The following MACROD2 variants were observed in gnomAD, a reference collection of about 807,000 sequenced individuals.
The protein encoded by MACROD2 is ADP-ribose glycohydrolase MACROD2.
In MACROD2, 36 loss-of-function variants were observed where a neutral mutation model predicts 70.4. The ratio of observed to expected loss-of-function variants is 0.51; its 90% CI spans 0.39 to 0.68. The LOEUF (loss-of-function observed/expected upper bound fraction) is 0.68. Among genes scored for constraint, MACROD2 ranks in the 30% least tolerant of loss-of-function variants. The pLI is 0.00. For synonymous variants in MACROD2, 172 were observed against 178.8 expected (o/e 0.96, Z 0.30); for missense variants, 496 against 538.4 (o/e 0.92, Z 0.78).
At chr20:14,310,093 AT>A (rs2082553515) in intron 3 of MACROD2, among the ~76,000 whole-genome samples, 1 of 152,142 alleles carries the variant, frequency 6.6e-6, no homozygotes, top group African/African-American at 2.4e-5. Context: ...GCTTGTGCTA[AT>A]TTTACTCAAA....
intron 6 of MACROD2, among the ~76,000 whole-genome samples, chr20:15,250,232 A>T (rs1031769903): frequency 6.6e-6 from 1 of 152,178 alleles, no homozygotes; most frequent in African/African-American, 2.4e-5. Context: ...TTCTGCTAGG[A>T]TGAGTCTCTG....
chr20:15,461,681 G>A (rs1312426686), intron 7 of MACROD2, among the ~76,000 whole-genome samples: 2 of 152,038 alleles, frequency 1.3e-5, no homozygotes, highest in African/African-American at 4.8e-5. Flanking sequence ...TAGTTGTTCT[G>A]CAAAACTTCT....
rs558548132 is a variant in MACROD2 at position 14,212,224 on chromosome 20, A to T, written c.271+126496A>T. 1.3e-4 allele frequency among the ~76,000 whole-genome samples: 20 copies of T among 152,290 alleles called. No individual in the cohort carries two copies. The South Asian group carries it at 4.2e-3, about 32-fold the overall frequency. On this transcript the variant is annotated intron_variant, in intron 3 of 17. Coordinates refer to ENST00000684519, the MANE Select transcript of MACROD2 (RefSeq NM_001351661.2). ...GTTCAGTTAAACACAGAGCATGTAA[A>T]TGGCCTACAGGTAACACCACCAACA...
At chr20:15,262,236 T>C (rs1041204230) in intron 6 of MACROD2, among the ~76,000 whole-genome samples, 2 of 152,048 alleles carry the variant, frequency 1.3e-5, no homozygotes, top group African/African-American at 2.4e-5. Flanking sequence ...ATCATTCTAC[T>C]CTATCTGCAT....
chr20:15,429,656 A>T (rs2046340817), intron 6 of MACROD2, among the ~76,000 whole-genome samples: 1 of 152,128 alleles, frequency 6.6e-6, no homozygotes, highest in Non-Finnish European at 1.5e-5. Flanking sequence ...TTTTATTATT[A>T]TTGACCTCAA....
chr20:15,333,319 C>T (rs2078013072), intron 6 of MACROD2, among the ~76,000 whole-genome samples: 1 of 151,578 alleles, frequency 6.6e-6, no homozygotes, highest in South Asian at 2.1e-4. Flanking sequence ...GGTCAGTAGC[C>T]TCTTTTCTGC....
rs188750412 is a variant in MACROD2, at chr20:14,447,193, T to C, written c.272-46286T>C. On this transcript the variant is annotated intron_variant, in intron 3 of 17. Coordinates refer to ENST00000684519, the MANE Select transcript of MACROD2 (RefSeq NM_001351661.2). Reference sequence around the variant, plus strand: ...ACCACCACACCCAGCTAATTTTTTGTATTTTTAGTAGAGATGGTATTTCAC... The same window carrying C: ...ACCACCACACCCAGCTAATTTTTTGCATTTTTAGTAGAGATGGTATTTCAC... Among the ~76,000 whole-genome samples the C allele has an allele frequency of 4.6e-5, 7 of 152,136 alleles. No homozygotes were observed. In the East Asian group the frequency reaches 1.4e-3, roughly 29 times the overall value.
intron 7 of MACROD2, among the ~76,000 whole-genome samples, chr20:15,498,134 A>T (rs1409779281): frequency 1.3e-5 from 2 of 152,216 alleles, no homozygotes; most frequent in Non-Finnish European, 2.9e-5. Context: ...ATTGTCTCTA[A>T]GAAAAATTAA....
At chr20:14,543,937 T>G (rs182629985) in intron 4 of MACROD2, among the ~76,000 whole-genome samples, 22 of 152,312 alleles carry the variant, frequency 1.4e-4, no homozygotes, top group African/African-American at 5.1e-4. Context: ...ATCATTACAA[T>G]TTAGTAGACC....
intron 4 of MACROD2, among the ~76,000 whole-genome samples, chr20:14,637,683 T>C (rs1351989352): frequency 6.6e-6 from 1 of 152,218 alleles, no homozygotes; most frequent in Non-Finnish European, 1.5e-5. Flanking sequence ...GTCCAGGTGG[T>C]TGCTGTCACA....
intron 5 of MACROD2, among the ~76,000 whole-genome samples, chr20:15,097,799 A>G (rs1264885806): frequency 6.6e-6 from 1 of 152,190 alleles, no homozygotes; most frequent in Admixed American, 6.5e-5. Flanking sequence ...CTTCATTTCT[A>G]TCGACAAACA....
At chr20:14,541,322 C>T (rs754947057) in intron 4 of MACROD2, among the ~76,000 whole-genome samples, 2 of 152,142 alleles carry the variant, frequency 1.3e-5, no homozygotes, top group Non-Finnish European at 2.9e-5. Flanking sequence ...ATGGATCTCT[C>T]ATCCCCAGGA....
At chr20:15,405,942 C>G (rs1268840362) in intron 6 of MACROD2, among the ~76,000 whole-genome samples, 2 of 152,192 alleles carry the variant, frequency 1.3e-5, no homozygotes, top group African/African-American at 2.4e-5. Context: ...AACATAACTT[C>G]AGCGCTTCTT....
rs567416134 is a variant in MACROD2, at chr20:14,869,473, T to C, written c.418+184514T>C. 3.3e-5 allele frequency among the ~76,000 whole-genome samples: 5 copies of C among 152,308 alleles called. No homozygotes were observed. In the South Asian group the frequency reaches 8.3e-4, roughly 25 times the overall value. On this transcript the variant is annotated intron_variant, in intron 5 of 17. Coordinates refer to ENST00000684519, the MANE Select transcript of MACROD2 (RefSeq NM_001351661.2). ...AGGAAACCCACAAAATCATTAGTGATGTCCAGGCTTCCTGCAGTGCTGTGA... is the reference window on the plus strand; with the variant it reads ...AGGAAACCCACAAAATCATTAGTGACGTCCAGGCTTCCTGCAGTGCTGTGA...
intron 8 of MACROD2, among the ~76,000 whole-genome samples, chr20:15,822,193 A>G (rs529753817): frequency 1.4e-4 from 22 of 152,288 alleles, no homozygotes; most frequent in South Asian, 6.2e-4. Flanking sequence ...AAATTAAAGC[A>G]AAGTCCAGCA....
chr20:15,742,090 T>A (rs1015379814), intron 8 of MACROD2, among the ~76,000 whole-genome samples: 2 of 152,184 alleles, frequency 1.3e-5, no homozygotes, highest in Non-Finnish European at 2.9e-5. Context: ...AGGAATAAAT[T>A]TCTCCTTTCA....
At chr20:15,534,525 C>G (rs117092194) in intron 8 of MACROD2, among the ~76,000 whole-genome samples, 5,493 of 152,162 alleles carry the variant, frequency 0.036, 123 homozygotes, top group South Asian at 0.11. Context: ...TCTTTCTTGA[C>G]TGAACAAAAG....
rs150555254 is a variant in MACROD2, at chr20:15,491,972, A to C, written c.572-7802A>C. On this transcript the variant is annotated intron_variant, in intron 7 of 17. Coordinates refer to ENST00000684519, the MANE Select transcript of MACROD2 (RefSeq NM_001351661.2). ...CAGATCACAAAACAGCTGCAACTCC[A>C]CTCTCTTAACGACAGACTGTGGCCA... Among the ~76,000 whole-genome samples the C allele has an allele frequency of 2.6e-5, 4 of 152,202 alleles. No individual in the cohort carries two copies. The East Asian group carries it at 7.7e-4, about 29-fold the overall frequency.
chr20:16,006,418 A>T (rs925959089), intron 15 of MACROD2, among the ~76,000 whole-genome samples: 2 of 152,162 alleles, frequency 1.3e-5, no homozygotes, highest in Non-Finnish European at 2.9e-5. Context: ...CAAGCAGTTC[A>T]TATGAAGTCT....
Sources: allele counts gnomAD v4.1 joint callset (sites outside exome capture counted in the v4.1 genomes callset), GRCh38; gene constraint gnomAD v4.1.1; transcripts MANE v1.5; gene names NCBI Gene and HGNC (gene_info 2026-07-23, HGNC 2026-07-21).